Variants in GALNT14 observed in about 807,000 individuals in gnomAD.
The protein encoded by GALNT14 is polypeptide N-acetylgalactosaminyltransferase 14, also known as UDP-GalNAc:polypeptide N-acetylgalactosaminyltransferase 14.
Under a neutral mutation model 77.5 loss-of-function variants are expected in GALNT14, and 60 were observed. That is an observed-to-expected ratio of 0.77 (90% CI 0.63 to 0.96). GALNT14 has a LOEUF of 0.96. Among genes scored for constraint, GALNT14 ranks in the 40% least tolerant of loss-of-function variants. The probability of loss-of-function intolerance (pLI) is 0.00; values close to 1 mark genes in which losing one functional copy is unlikely to be tolerated. For missense variants in GALNT14, 710 were observed against 731.0 expected, an observed-to-expected ratio of 0.97 and a Z score of 0.33; for synonymous variants, 280 against 281.7, an observed-to-expected ratio of 0.99 and a Z score of 0.06.
Position 30,932,081 on chromosome 2 carries a change from T to C in GALNT14, c.1045A>G (p.Asn349Asp), listed in dbSNP as rs1665766505. ...HPYVFPDGNA[N>D]TYIKNTKRTA... is the part of the protein sequence containing the mutation. ...CTGGGCACTTACTTTATATACGTGT[T>C]GGCATTTCCATCAGGGAAAACGTAG... Residue 349 changes from asparagine to aspartate, a missense_variant, in exon 10 of 15, where the codon AAC becomes GAC. Asn to Asp is a conservative substitution (Grantham distance 23). Transcript: ENST00000349752. 4 of 1,568,396 alleles carry C rather than the reference T, an allele frequency of 2.6e-6. No homozygotes were observed. Among genetic ancestry groups the C allele is most frequent in the Non-Finnish European group, 3.5e-6 (4 of 1,156,988 alleles).
At chr2:30,899,645 T>C in the GALNT14 span, among the ~76,000 whole-genome samples, 18 of 152,268 alleles carry the variant, frequency 1.2e-4, no homozygotes, top group East Asian at 3.5e-3. Context: ...ATTGGAAAGC[T>C]GTGAAATGAA....
At chr2:31,002,685 T>C (rs1670437609) in intron 1 of GALNT14, among the ~76,000 whole-genome samples, 1 of 152,210 alleles carries the variant, frequency 6.6e-6, no homozygotes, top group Admixed American at 6.5e-5. Flanking sequence ...AGTGAAATGC[T>C]AACATATCAC....
rs886185259 is a variant in GALNT14 at position 31,138,267 on chromosome 2, C to A, written c.-181G>T. 2.7e-5 allele frequency: 20 copies of A among 734,602 alleles called. No individual in the cohort carries two copies. Among genetic ancestry groups the A allele is most frequent in the Non-Finnish European group, 4.4e-5 (20 of 458,550 alleles). 45.5% of individuals were successfully genotyped at this position (734,602 alleles called of 1,614,324 possible). A position where few individuals can be genotyped will look rare whatever the true frequency, so the allele number is the denominator to read the frequency against. On this transcript the variant is annotated 5_prime_UTR_variant, in exon 1 of 15. It adds an upstream start codon to the 5' untranslated region. Coordinates refer to ENST00000349752, the MANE Select transcript of GALNT14 (RefSeq NM_024572.4). ...CTTCCCGCTTCGAAGAGAAGCGAGC[C>A]TGGGTGGGGGGTGCAGGGCGACCCG...
chr2:31,012,863 G>A (rs752259399), intron 1 of GALNT14, among the ~76,000 whole-genome samples: 2 of 152,160 alleles, frequency 1.3e-5, no homozygotes, highest in Admixed American at 6.5e-5. Context: ...TTACCCAAAC[G>A]TGCTTCATGC....
chr2:31,004,402 T>C (rs950230538), intron 1 of GALNT14, among the ~76,000 whole-genome samples: 3 of 151,816 alleles, frequency 2.0e-5, no homozygotes. Flanking sequence ...AGGGGAGGGA[T>C]TGGATGTAGG....
intron 1 of GALNT14, among the ~76,000 whole-genome samples, chr2:31,120,702 G>A (rs1299123980): frequency 6.6e-6 from 1 of 152,096 alleles, no homozygotes; most frequent in African/African-American, 2.4e-5. Flanking sequence ...GACTACAGAT[G>A]TGTGTGACCA....
At chr2:30,899,889 T>C in the GALNT14 span, among the ~76,000 whole-genome samples, 1 of 152,204 alleles carries the variant, frequency 6.6e-6, no homozygotes, top group Non-Finnish European at 1.5e-5. Context: ...ATCTGCCACG[T>C]GGGGCGTCGC....
intron 1 of GALNT14, among the ~76,000 whole-genome samples, chr2:31,094,654 C>T (rs777996891): frequency 6.6e-6 from 1 of 152,250 alleles, no homozygotes; most frequent in Non-Finnish European, 1.5e-5. Flanking sequence ...CTTCTCTCCT[C>T]TCCCCATTTT....
intron 13 of GALNT14, among the ~76,000 whole-genome samples, chr2:30,916,489 C>T (rs1664685660): frequency 6.6e-6 from 1 of 152,310 alleles, no homozygotes; most frequent in South Asian, 2.1e-4. Flanking sequence ...GACCCTGCCC[C>T]CTCCACTGGG....
intron 6 of GALNT14, among the ~76,000 whole-genome samples, chr2:30,949,371 G>A (rs934590522): frequency 2.0e-5 from 3 of 152,088 alleles, no homozygotes. Flanking sequence ...TAGGCTAGGG[G>A]ATGGAGGGAC....
At position 31,027,918 on chromosome 2, in the gene GALNT14, G is replaced by GTGTGTGTGTGTGTGTGTGTGTGCA. The variant is rs61690434; in HGVS notation, c.130-34912_130-34911insTGCACACACACACACACACACACA. Reference sequence around the variant, plus strand: ...TGTGTGTGTGTGTGTGTGTGTGTGTGCACGCATGCATGCGCACATGCTTGG... The same window carrying GTGTGTGTGTGTGTGTGTGTGTGCA: ...TGTGTGTGTGTGTGTGTGTGTGTGTGTGTGTGTGTGTGTGTGTGTGTGCACACGCATGCATGCGCACATGCTTGG... On this transcript the variant is annotated intron_variant, in intron 1 of 14. Transcript: ENST00000349752. 8.1e-4 allele frequency among the ~76,000 whole-genome samples: 123 copies of GTGTGTGTGTGTGTGTGTGTGTGCA among 151,554 alleles called. 1 individual carries two copies. The highest frequency in any genetic ancestry group is 1.3e-3 in the South Asian group (6 of 4,794).
At chr2:31,101,734 T>C (rs1175195424) in intron 1 of GALNT14, among the ~76,000 whole-genome samples, 1 of 152,098 alleles carries the variant, frequency 6.6e-6, no homozygotes, top group Non-Finnish European at 1.5e-5. Context: ...TTGTTGTTTT[T>C]TTCCCCATGA....
the GALNT14 span, among the ~76,000 whole-genome samples, chr2:30,886,933 C>T: frequency 1.3e-5 from 2 of 152,194 alleles, no homozygotes; most frequent in Non-Finnish European, 2.9e-5. Context: ...CTGGCAACTG[C>T]CAGTTTGCCT....
At chr2:30,927,387 C>T (rs2148240091) in intron 11 of GALNT14, among the ~76,000 whole-genome samples, 1 of 152,304 alleles carries the variant, frequency 6.6e-6, no homozygotes, top group African/African-American at 2.4e-5. Flanking sequence ...AAATACAGAC[C>T]TCCAGAGTCA....
At chr2:31,035,215 T>C (rs1011655477) in intron 1 of GALNT14, among the ~76,000 whole-genome samples, 2 of 152,176 alleles carry the variant, frequency 1.3e-5, no homozygotes, top group African/African-American at 2.4e-5. Context: ...TTTCTACCTA[T>C]AATTATTGAA....
At chr2:30,947,761 C>T (rs72787214) in intron 6 of GALNT14, among the ~76,000 whole-genome samples, 22,169 of 152,166 alleles carry the variant, frequency 0.15, 1,745 homozygotes, top group East Asian at 0.3. Flanking sequence ...ATGAGGTTGT[C>T]TTCTTATTTT....
At chr2:31,022,877 C>T (rs1217599670) in intron 1 of GALNT14, among the ~76,000 whole-genome samples, 1 of 152,214 alleles carries the variant, frequency 6.6e-6, no homozygotes, top group African/African-American at 2.4e-5. Context: ...ATTTACTCCC[C>T]GCCTATGGGT....
intron 1 of GALNT14, among the ~76,000 whole-genome samples, chr2:31,086,699 TAGAACACATATGAGTG>T (rs1374228351): frequency 6.6e-6 from 1 of 152,208 alleles, no homozygotes; most frequent in African/African-American, 2.4e-5. Flanking sequence ...ATTTGAAAAG[TAGAACACATATGAGTG>T]AGATTTATTA....
intron 1 of GALNT14, among the ~76,000 whole-genome samples, chr2:31,135,774 G>C (rs1409292463): frequency 6.6e-6 from 1 of 152,132 alleles, no homozygotes; most frequent in Non-Finnish European, 1.5e-5. Context: ...TGCAACTTAT[G>C]TGGCCCCCCA....
Sources: allele counts gnomAD v4.1 joint callset (sites outside exome capture counted in the v4.1 genomes callset), GRCh38; gene constraint gnomAD v4.1.1; transcripts MANE v1.5; gene names NCBI Gene and HGNC (gene_info 2026-07-23, HGNC 2026-07-21).